The following LRRC28 variants were observed in gnomAD, a reference collection of about 807,000 sequenced individuals.
The protein encoded by LRRC28 is leucine-rich repeat-containing protein 28.
LRRC28 carries 39 observed loss-of-function variants against 45.7 expected under a neutral mutation model. The ratio of observed to expected loss-of-function variants is 0.85; its 90% CI spans 0.66 to 1.12. The LOEUF is 1.12. Among genes scored for constraint, LRRC28 ranks in the 50% most tolerant of loss-of-function variants. The pLI is 0.00. For missense variants in LRRC28, 435 were observed against 438.5 expected (o/e 0.99, Z 0.07); for synonymous variants, 206 against 178.8 (o/e 1.15, Z -1.22).
intron 7 of LRRC28, among the ~76,000 whole-genome samples, chr15:99,353,255 A>G (rs1304118670): frequency 6.6e-6 from 1 of 152,094 alleles, no homozygotes; most frequent in Non-Finnish European, 1.5e-5. Context: ...CCTAATCAGC[A>G]TGTTTGACTC....
chr15:99,386,197 G>C lies in LRRC28; in HGVS notation c.*95G>C. ...TCCATCCTGTCCTGTCCAATGCGGG[G>C]GCACTGCAGAACTCTCTAGAAATGT... is the stretch of plus-strand genomic sequence containing the variant. On this transcript the variant is annotated 3_prime_UTR_variant, in exon 10 of 10. Transcript: ENST00000301981. 1 of 967,482 alleles carries C rather than the reference G, an allele frequency of 1.0e-6. No individual in the cohort carries two copies. 59.9% of individuals were successfully genotyped at this position (967,482 alleles called of 1,614,324 possible).
At chr15:99,256,194 A>G in intron 2 of LRRC28, 69 bp downstream of exon 2, 2 of 1,307,218 alleles carry the variant, frequency 1.5e-6, no homozygotes, top group Non-Finnish European at 1.0e-6. Context: ...ACATTTACAT[A>G]CCCTAAGGTA....
At chr15:99,327,169 G>A (rs911244401) in intron 5 of LRRC28, among the ~76,000 whole-genome samples, 2 of 152,036 alleles carry the variant, frequency 1.3e-5, no homozygotes, top group African/African-American at 4.8e-5. Flanking sequence ...CCACCCCCCG[G>A]GTTGAAGCAA....
chr15:99,273,895 G>T (rs1446971670), intron 2 of LRRC28, among the ~76,000 whole-genome samples: 1 of 152,160 alleles, frequency 6.6e-6, no homozygotes, highest in African/African-American at 2.4e-5. Flanking sequence ...CCTTTTTATA[G>T]GAACAGCTAT....
chr15:99,267,302 G>A lies in LRRC28; in HGVS notation c.169-9274G>A, dbSNP rs566744431. On this transcript the variant is annotated intron_variant, in intron 2 of 9. Coordinates refer to ENST00000301981, the MANE Select transcript of LRRC28 (RefSeq NM_144598.5). ...TTGAATTTGGTAGTAGTAGGATCTGGATCAAATAAGGATCAGAACACCCTG... is the reference window on the plus strand; with the variant it reads ...TTGAATTTGGTAGTAGTAGGATCTGAATCAAATAAGGATCAGAACACCCTG... 2.0e-5 allele frequency among the ~76,000 whole-genome samples: 3 copies of A among 152,312 alleles called. No homozygotes were observed. The East Asian group carries it at 5.8e-4, about 29-fold the overall frequency.
intron 2 of LRRC28, chr15:99,258,389 G>C: frequency 9.4e-7 from 1 of 1,059,974 alleles, no homozygotes; most frequent in Non-Finnish European, 1.5e-6. Context: ...AAAAGCATTT[G>C]ATTACCTTGC....
intron 1 of LRRC28, among the ~76,000 whole-genome samples, chr15:99,252,661 A>G (rs1436057871): frequency 2.0e-5 from 3 of 152,254 alleles, no homozygotes; most frequent in Admixed American, 6.5e-5. Flanking sequence ...TCCTTGTGGC[A>G]TGTAGCAAGC....
At chr15:99,356,178 C>T (rs899845000) in intron 7 of LRRC28, among the ~76,000 whole-genome samples, 2 of 152,126 alleles carry the variant, frequency 1.3e-5, no homozygotes, top group South Asian at 2.1e-4. Flanking sequence ...ATCTAGGAAA[C>T]GTTCCAAAAT....
chr15:99,284,946 C>T, intron 3 of LRRC28: 1 of 611,244 alleles, frequency 1.6e-6, no homozygotes, highest in African/African-American at 1.8e-5. Context: ...GTTGTCATTC[C>T]CATCAAAACC....
At chr15:99,269,428 GGAGACA>G (rs922530443) in intron 2 of LRRC28, among the ~76,000 whole-genome samples, 4 of 141,826 alleles carry the variant, frequency 2.8e-5, no homozygotes, top group Admixed American at 2.8e-4. Context: ...TTTTTTTTTT[GGAGACA>G]GAGTTTTCAC....
intron 2 of LRRC28, among the ~76,000 whole-genome samples, chr15:99,274,410 AGT>A (rs1304187493): frequency 6.6e-6 from 1 of 152,194 alleles, no homozygotes; most frequent in African/African-American, 2.4e-5. Context: ...ATAAGCCTTT[AGT>A]GTTCTGTTCC....
chr15:99,356,240 A>G (rs1957044213), intron 7 of LRRC28, among the ~76,000 whole-genome samples: 1 of 152,224 alleles, frequency 6.6e-6, no homozygotes, highest in South Asian at 2.1e-4. Flanking sequence ...AAGAAGAAAG[A>G]TGACCAGCAG....
chr15:99,293,400 C>G (rs1755755670), intron 5 of LRRC28, among the ~76,000 whole-genome samples: 1 of 151,760 alleles, frequency 6.6e-6, no homozygotes, highest in Non-Finnish European at 1.5e-5. Flanking sequence ...TCAAGACTAG[C>G]CTGACTAACA....
At chr15:99,255,059 A>C (rs1053902659) in intron 1 of LRRC28, among the ~76,000 whole-genome samples, 1 of 152,168 alleles carries the variant, frequency 6.6e-6, no homozygotes, top group Non-Finnish European at 1.5e-5. Flanking sequence ...ATAATCCATA[A>C]AGCTAAAAAC....
intron 5 of LRRC28, among the ~76,000 whole-genome samples, chr15:99,297,107 G>A (rs914073827): frequency 7.3e-5 from 11 of 150,662 alleles, no homozygotes; most frequent in African/African-American, 2.4e-4. Context: ...CCTGAACCCG[G>A]GAGGCAGAGG....
intron 2 of LRRC28, chr15:99,259,273 A>G (rs1334372072): frequency 9.2e-7 from 1 of 1,086,406 alleles, no homozygotes; most frequent in East Asian, 2.4e-5. Flanking sequence ...AATCTTCTCC[A>G]TTTGTTTAGC....
At chr15:99,355,700 C>G (rs548390839) in intron 7 of LRRC28, 1 of 149,776 alleles carries the variant, frequency 6.7e-6, no homozygotes, top group Non-Finnish European at 1.5e-5. Flanking sequence ...TAAAAGTAAT[C>G]CTCTACAGGA....
At chr15:99,299,814 T>C (rs920873312) in intron 5 of LRRC28, among the ~76,000 whole-genome samples, 1 of 152,228 alleles carries the variant, frequency 6.6e-6, no homozygotes, top group Non-Finnish European at 1.5e-5. Context: ...ATACCTTTTT[T>C]TGAGAAGTTT....
intron 5 of LRRC28, among the ~76,000 whole-genome samples, chr15:99,307,771 A>G (rs1955241923): frequency 1.3e-5 from 2 of 152,236 alleles, no homozygotes; most frequent in Admixed American, 6.5e-5. Context: ...AAGCGAAACT[A>G]AAGATCCTGC....
Sources: allele counts gnomAD v4.1 joint callset (sites outside exome capture counted in the v4.1 genomes callset), GRCh38; gene constraint gnomAD v4.1.1; transcripts MANE v1.5; gene names NCBI Gene and HGNC (gene_info 2026-07-23, HGNC 2026-07-21).